The following UNC80 variants were observed in gnomAD, a reference collection of about 807,000 sequenced individuals.
UNC80 encodes the protein protein unc-80 homolog.
A neutral mutation model predicts 384.6 loss-of-function variants in UNC80; 164 were observed. The ratio of observed to expected loss-of-function variants is 0.43; its 90% CI spans 0.38 to 0.49. The LOEUF (loss-of-function observed/expected upper bound fraction) is 0.49. UNC80 is among the 20% of genes least tolerant of loss of function. The pLI is 0.00. For missense variants in UNC80, 3,330 were observed against 4,143.0 expected, an observed-to-expected ratio of 0.80 and a Z score of 5.39; for synonymous variants, 1,486 against 1,527.8, an observed-to-expected ratio of 0.97 and a Z score of 0.64.
chr2:209,813,040 T>G (rs1309124249), intron 7 of UNC80, among the ~76,000 whole-genome samples: 2 of 152,250 alleles, frequency 1.3e-5, no homozygotes, highest in South Asian at 2.1e-4. Context: ...TAGCTTTTCC[T>G]TAGTTATTTT....
intron 21 of UNC80, among the ~76,000 whole-genome samples, chr2:209,843,029 A>G (rs1574694657): frequency 1.3e-5 from 2 of 152,136 alleles, no homozygotes; most frequent in African/African-American, 4.8e-5. Context: ...CAAGCTCCAT[A>G]TGTTATCCAT....
chr2:209,975,210 C>T (rs1273382852), intron 56 of UNC80, among the ~76,000 whole-genome samples: 1 of 152,140 alleles, frequency 6.6e-6, no homozygotes, highest in Admixed American at 6.5e-5. Context: ...TTAGTATACA[C>T]ATTTTTTAGA....
intron 28 of UNC80, among the ~76,000 whole-genome samples, chr2:209,897,331 A>G (rs1574932040): frequency 6.6e-6 from 1 of 152,204 alleles, no homozygotes; most frequent in Non-Finnish European, 1.5e-5. Flanking sequence ...CAGGTCCTCT[A>G]CCAGACGCTA....
chr2:209,884,303 A>G (rs1198798725), intron 25 of UNC80, among the ~76,000 whole-genome samples: 1 of 152,218 alleles, frequency 6.6e-6, no homozygotes, highest in Admixed American at 6.5e-5. Context: ...ATTCCCATCA[A>G]ATGCATAGAT....
At chr2:209,806,512 T>C (rs1400364085) in intron 7 of UNC80, among the ~76,000 whole-genome samples, 1 of 152,166 alleles carries the variant, frequency 6.6e-6, no homozygotes, top group Non-Finnish European at 1.5e-5. Flanking sequence ...TTTGGAAAAA[T>C]GAATGAGGTT....
At chr2:209,817,539 A>T (rs146984863) in intron 10 of UNC80, among the ~76,000 whole-genome samples, 2 of 151,956 alleles carry the variant, frequency 1.3e-5, no homozygotes. Context: ...AAATAGGCCA[A>T]TTTAAAATTG....
chr2:209,876,456 A>G (rs1351105494), intron 23 of UNC80, among the ~76,000 whole-genome samples: 1 of 152,234 alleles, frequency 6.6e-6, no homozygotes, highest in East Asian at 1.9e-4. Flanking sequence ...TGAGACATAG[A>G]GATCTAAATT....
rs778361499 is a variant in UNC80 at position 209,776,012 on chromosome 2, A to G, written c.265A>G (p.Thr89Ala). Residue 89 changes from threonine to alanine, a missense_variant, in exon 3 of 65, where the codon ACT (threonine) becomes GCT (alanine). Thr to Ala is a moderately conservative substitution (Grantham distance 58). Transcript: ENST00000673920. Reference sequence around the variant, plus strand: ...TGCTTTGCCTCATGTCCTCCACTGCACTGCAACCCTGCTTTCAAACCGAAA... The same window carrying G: ...TGCTTTGCCTCATGTCCTCCACTGCGCTGCAACCCTGCTTTCAAACCGAAA... ...QAALPHVLHC[T>A]ATLLSNRNKL... 15 of 1,614,150 alleles carry G rather than the reference A, an allele frequency of 9.3e-6. No homozygotes were observed. The highest frequency in any genetic ancestry group is 1.2e-5 in the Non-Finnish European group (14 of 1,179,992).
chr2:209,831,732 A>C (rs1055764897), intron 16 of UNC80, 141 bp downstream of exon 16: 1 of 987,608 alleles, frequency 1.0e-6, no homozygotes, highest in African/African-American at 1.7e-5. Flanking sequence ...CCCCGGTGTC[A>C]CCAGTAAGTC....
rs1339809192 is a variant in UNC80, at chr2:209,777,361, T to C, written c.402T>C (p.Gly134=). ...ACTGCAACAATGAGCGGTTTGGGGGTACAGACCGAGGCTCCAGCTGGGGTG... is the reference window on the plus strand; with the variant it reads ...ACTGCAACAATGAGCGGTTTGGGGGCACAGACCGAGGCTCCAGCTGGGGTG... ...PQDCNNERFG[G]TDRGSSWGGS... The change falls in exon 4 of 65, where the codon GGT becomes GGC. Residue 134 remains glycine (G), a synonymous_variant. Transcript: ENST00000673920. 1 of 1,614,078 alleles carries C rather than the reference T, an allele frequency of 6.2e-7. No homozygotes were observed. Among genetic ancestry groups the C allele is most frequent in the Non-Finnish European group, 8.5e-7 (1 of 1,180,016 alleles).
chr2:209,922,137 A>C (rs1440135236), intron 34 of UNC80, 115 bp from the exon 35 acceptor site: 1 of 1,221,600 alleles, frequency 8.2e-7, no homozygotes, highest in African/African-American at 1.5e-5. Context: ...TACACTCAAA[A>C]TTATTTAAGC....
chr2:209,816,036 G>A (rs765020228), intron 9 of UNC80, among the ~76,000 whole-genome samples: 6 of 152,136 alleles, frequency 3.9e-5, no homozygotes, highest in Non-Finnish European at 8.8e-5. Context: ...CACAGAACAC[G>A]ATATTAACTT....
At chr2:209,927,068 A>C in intron 36 of UNC80, 82 bp downstream of exon 36, 1 of 1,428,594 alleles carries the variant, frequency 7.0e-7, no homozygotes. Context: ...TCTTAAACAC[A>C]TTATCTACTG....
intron 21 of UNC80, among the ~76,000 whole-genome samples, chr2:209,844,451 T>TC (rs2081994260): frequency 1.7e-5 from 1 of 58,188 alleles, no homozygotes; most frequent in African/African-American, 7.8e-5. Flanking sequence ...TGCTCTTTTC[T>TC]TTTCTTTCTT....
Position 209,978,555 on chromosome 2 carries a change from A to G in UNC80, c.8965A>G (p.Thr2989Ala). 6.4e-7 allele frequency: 1 copy of G among 1,550,758 alleles called. No homozygotes were observed. The highest frequency in any genetic ancestry group is 8.7e-7 in the Non-Finnish European group (1 of 1,146,324). ...SAYQGKTSIS[T>A]VGTSTSAYRL... is the part of the protein sequence containing the mutation. ...CTACCAAGGCAAGACATCCATCAGT[A>G]CCGTGGGCACCTCCACCTCTGCTTA... The change falls in exon 59 of 65, where the codon ACC (threonine) becomes GCC (alanine). Residue 2989 changes from threonine (T) to alanine (A), a missense_variant. Physicochemically the swap from Thr to Ala is moderately conservative, Grantham distance 58 (BLOSUM62 0). Around this residue, in one of 8 missense-constraint regions of UNC80, gnomAD observed 216 missense variants for 245.3 expected, o/e 0.88. Coordinates refer to ENST00000673920, the MANE Select transcript of UNC80 (RefSeq NM_001371986.1).
chr2:209,875,028 C>G (rs868753133), intron 23 of UNC80, among the ~76,000 whole-genome samples: 1 of 152,200 alleles, frequency 6.6e-6, no homozygotes, highest in Non-Finnish European at 1.5e-5. Flanking sequence ...GACTTCTCAT[C>G]TCGATGATTA....
intron 43 of UNC80, among the ~76,000 whole-genome samples, chr2:209,940,798 C>T (rs2091579411): frequency 6.6e-6 from 1 of 152,138 alleles, no homozygotes; most frequent in Non-Finnish European, 1.5e-5. Flanking sequence ...GACAGAACGA[C>T]AGAGCGAGAC....
intron 42 of UNC80, 38 bp downstream of exon 42, chr2:209,937,668 A>T (rs767004892): frequency 2.8e-6 from 4 of 1,453,620 alleles, no homozygotes. Context: ...TGGTTTTGTC[A>T]TGTTGTTGGA....
In UNC80 at chr2:209,939,576, G is replaced by A; in HGVS notation, c.6570G>A (p.Gln2190=). The change falls in exon 43 of 65, where the codon CAG becomes CAA. Residue 2190 remains glutamine (Q), a synonymous_variant. Coordinates refer to ENST00000673920, the MANE Select transcript of UNC80 (RefSeq NM_001371986.1). ...AHKQSHVSML[Q]EDLLRLPSFP... The stretch of plus-strand genomic sequence containing the variant: ...AACAGTCCCACGTCTCCATGCTTCA[G>A]GAAGACCTCCTCCGCCTGCCCTCAT... 2 of 1,551,824 alleles carry A rather than the reference G, an allele frequency of 1.3e-6. No individual in the cohort carries two copies. The highest frequency in any genetic ancestry group is 1.2e-5 in the South Asian group (1 of 84,042).
Sources: allele counts gnomAD v4.1 joint callset (sites outside exome capture counted in the v4.1 genomes callset), GRCh38; gene constraint gnomAD v4.1.1; regional missense constraint gnomAD v4.1.1; transcripts MANE v1.5; gene names NCBI Gene and HGNC (gene_info 2026-07-23, HGNC 2026-07-21).